MARK4: variants seen among roughly 807,000 people sequenced by gnomAD.
MARK4 encodes MAP/microtubule affinity-regulating kinase 4.
In MARK4, 19 loss-of-function variants were observed where a neutral mutation model predicts 81.5. That is an observed-to-expected ratio of 0.23 (90% CI 0.16 to 0.34). MARK4 has a LOEUF of 0.34. Ranked by LOEUF, MARK4 falls within the 10% of genes least tolerant of loss-of-function variation. The probability of loss-of-function intolerance (pLI) is 1.00; values close to 1 mark genes in which losing one functional copy is unlikely to be tolerated. For synonymous variants in MARK4, 436 were observed against 439.0 expected, an observed-to-expected ratio of 0.99 and a Z score of 0.08; for missense variants, 772 against 1,058.8, an observed-to-expected ratio of 0.73 and a Z score of 3.76.
At position 45,271,469 on chromosome 19, in the gene MARK4, C is replaced by T; in HGVS notation, c.550-3C>T. 2 of 1,613,756 alleles carry T rather than the reference C, an allele frequency of 1.2e-6. No individual in the cohort carries two copies. The highest frequency in any genetic ancestry group is 2.2e-5 in the South Asian group (2 of 91,056). On this transcript the variant is annotated splice_region_variant and splice_polypyrimidine_tract_variant and intron_variant, in intron 7 of 16. Coordinates refer to ENST00000262891, the MANE Select transcript of MARK4 (RefSeq NM_001199867.2). The surrounding 1 kb of genome is among the most constrained non-coding windows in gnomAD (Gnocchi z 4.1). Reference sequence around the variant, plus strand: ...TTTCCGCCCTCTCCTTCTCTCCCTGCAGGCTGAGAACCTCTTGCTGGATGC... The same window carrying T: ...TTTCCGCCCTCTCCTTCTCTCCCTGTAGGCTGAGAACCTCTTGCTGGATGC...
In MARK4 at chr19:45,302,224, C is replaced by T; in HGVS notation, c.1923-150C>T. On this transcript the variant is annotated intron_variant, in intron 16 of 16. Transcript: ENST00000262891. The surrounding 1 kb of genome is among the most constrained non-coding windows in gnomAD (Gnocchi z 4.9). ...GTCTCTAGCTGGGCAGCTCTGTATCCAGTTGAAACTGTCGCTGGGGTAACA... is the reference window on the plus strand; with the variant it reads ...GTCTCTAGCTGGGCAGCTCTGTATCTAGTTGAAACTGTCGCTGGGGTAACA... 6.6e-7 allele frequency: 1 copy of T among 1,515,212 alleles called. No individual in the cohort carries two copies. 93.9% of individuals were successfully genotyped at this position (1,515,212 alleles called of 1,614,324 possible).
At chr19:45,288,989 G>T (rs2123093890) in intron 13 of MARK4, among the ~76,000 whole-genome samples, 1 of 152,148 alleles carries the variant, frequency 6.6e-6, no homozygotes, top group South Asian at 2.1e-4. Flanking sequence ...CTGTGCCCTT[G>T]GCCTTTCGAG....
chr19:45,252,013 G>C (rs1970249322), intron 1 of MARK4, among the ~76,000 whole-genome samples: 1 of 151,698 alleles, frequency 6.6e-6, no homozygotes, highest in African/African-American at 2.4e-5. Context: ...GGATTTGCAG[G>C]GCCCCTGACC....
At chr19:45,275,106 C>T (rs1486111560) in intron 8 of MARK4, among the ~76,000 whole-genome samples, 1 of 152,066 alleles carries the variant, frequency 6.6e-6, no homozygotes, top group African/African-American at 2.4e-5. Context: ...ACTAAAAATA[C>T]AAAAAGTAGC....
At position 45,271,531 on chromosome 19, in the gene MARK4, C is replaced by T. The variant is rs1178879098; in HGVS notation, c.609C>T (p.Ser203=). ...TCAAGATTGCTGACTTTGGCTTCAGCAACGAGTTCACGCTGGGATCGAAGC... is the reference window on the plus strand; with the variant it reads ...TCAAGATTGCTGACTTTGGCTTCAGTAACGAGTTCACGCTGGGATCGAAGC... ...ANIKIADFGF[S]NEFTLGSKLD... The change falls in exon 8 of 17, where the codon AGC becomes AGT. Residue 203 remains serine (S), a synonymous_variant. Transcript: ENST00000262891. The surrounding 1 kb of genome is among the most constrained non-coding windows in gnomAD (Gnocchi z 4.1). 3 of 1,614,236 alleles carry T rather than the reference C, an allele frequency of 1.9e-6. No individual in the cohort carries two copies. Among genetic ancestry groups the T allele is most frequent in the Non-Finnish European group, 1.7e-6 (2 of 1,180,042 alleles).
intron 4 of MARK4, among the ~76,000 whole-genome samples, chr19:45,264,415 C>T (rs1174722801): frequency 6.6e-6 from 1 of 150,908 alleles, no homozygotes; most frequent in East Asian, 2.0e-4. Flanking sequence ...GCAGGAGAAT[C>T]GCTTGAACCT....
chr19:45,301,887 AG>A (rs1321825417), intron 16 of MARK4, among the ~76,000 whole-genome samples: 3,490 of 149,638 alleles, frequency 0.023, 68 homozygotes, highest in Middle Eastern at 0.042. Flanking sequence ...AAAAAAGAAA[AG>A]GAAAAAGAAA....
intron 14 of MARK4, among the ~76,000 whole-genome samples, chr19:45,295,307 C>T (rs1333463635): frequency 6.6e-6 from 1 of 151,698 alleles, no homozygotes; most frequent in African/African-American, 2.4e-5. Context: ...TGCAGTGAGC[C>T]GAGATCACGC....
rs547998753 is a variant in MARK4 at position 45,270,041 on chromosome 19, T to C, written c.550-1431T>C. 5.9e-5 allele frequency among the ~76,000 whole-genome samples: 9 copies of C among 152,222 alleles called. No individual in the cohort carries two copies. In the South Asian group the frequency reaches 1.5e-3, roughly 25 times the overall value. On this transcript the variant is annotated intron_variant, in intron 7 of 16. Coordinates refer to ENST00000262891, the MANE Select transcript of MARK4 (RefSeq NM_001199867.2). ...CAGGGTTTTACCATGTTGCCCAAGC[T>C]AGTCTCGAACTCCTGACCTCAGGAG...
At position 45,297,849 on chromosome 19, in the gene MARK4, C is replaced by A. The variant is rs1970909111; in HGVS notation, c.1772C>A (p.Pro591His). Reference protein sequence around the residue: ...GGGGGGVQNGPPASPTLAHEA... With the variant: ...GGGGGGVQNGHPASPTLAHEA... ...GGTGGTGGGGGTGTGCAGAATGGGCCCCCTGCCTCTCCCACACTGGCCCAT... is the reference window on the plus strand; with the variant it reads ...GGTGGTGGGGGTGTGCAGAATGGGCACCCTGCCTCTCCCACACTGGCCCAT... The change falls in exon 15 of 17, where the codon CCC becomes CAC. Residue 591 changes from proline to histidine, a missense_variant. By Grantham distance (77) the Pro-to-His change is moderately conservative. Coordinates refer to ENST00000262891, the MANE Select transcript of MARK4 (RefSeq NM_001199867.2). The A allele has an allele frequency of 6.5e-7, 1 of 1,548,756 alleles. No homozygotes were observed. Among genetic ancestry groups the A allele is most frequent in the Non-Finnish European group, 8.7e-7 (1 of 1,146,554 alleles).
At chr19:45,257,209 C>T (rs940783688) in intron 1 of MARK4, among the ~76,000 whole-genome samples, 19 of 151,972 alleles carry the variant, frequency 1.3e-4, no homozygotes, top group Non-Finnish European at 2.6e-4. Flanking sequence ...GCGATCCTCC[C>T]GCCTTGTCAA....
In MARK4 at chr19:45,271,720, G is replaced by A; in HGVS notation, c.786+12G>A. The A allele has an allele frequency of 1.2e-6, 2 of 1,612,574 alleles. No homozygotes were observed. Among genetic ancestry groups the A allele is most frequent in the Non-Finnish European group, 1.7e-6 (2 of 1,179,052 alleles). On this transcript the variant is annotated intron_variant, in intron 8 of 16. Transcript: ENST00000262891. This position sits in a 1 kb window ranked among gnomAD's most constrained non-coding sequence, Gnocchi z 4.1. Reference sequence around the variant, plus strand: ...GGCACAACCTCAAGGTACCGAGAGGGGCTGGGTGCAGGGGCATCAGCCCCT... The same window carrying A: ...GGCACAACCTCAAGGTACCGAGAGGAGCTGGGTGCAGGGGCATCAGCCCCT...
At chr19:45,274,946 C>T (rs1354433732) in intron 8 of MARK4, among the ~76,000 whole-genome samples, 1 of 152,094 alleles carries the variant, frequency 6.6e-6, no homozygotes, top group Admixed American at 6.6e-5. Context: ...CTCAGTTTCC[C>T]CACCTGTAAG....
intron 12 of MARK4, among the ~76,000 whole-genome samples, chr19:45,284,246 G>A (rs1001079425): frequency 1.3e-5 from 2 of 151,954 alleles, no homozygotes; most frequent in Non-Finnish European, 2.9e-5. Flanking sequence ...GACCTGAGGT[G>A]ATCCACCCGC....
rs111464393 is a variant in MARK4 at position 45,285,790 on chromosome 19, C to T, written c.1277-1657C>T. 1.9e-3 allele frequency among the ~76,000 whole-genome samples: 287 copies of T among 152,276 alleles called. 1 individual carries two copies. The highest frequency in any genetic ancestry group is 6.8e-3 in the African/African-American group (281 of 41,554). On this transcript the variant is annotated intron_variant, in intron 12 of 16. Coordinates refer to ENST00000262891, the MANE Select transcript of MARK4 (RefSeq NM_001199867.2). The stretch of plus-strand genomic sequence containing the variant: ...AGCTTGTGGTTCTGGGACTTCTGAG[C>T]ATGTATCGCTCCTGAGGATGTAACA...
In MARK4 at chr19:45,278,062, C is replaced by A. The variant is rs754136141; in HGVS notation, c.906+20C>A. The A allele has an allele frequency of 1.1e-5, 18 of 1,611,988 alleles. No homozygotes were observed. The Admixed American group carries it at 1.7e-4, about 15-fold the overall frequency. ...CTCGAGGTGAGCCCAGCCTCACAGC[C>A]AGCGGGAGCCCTTCTAGTCTCCTGA... On this transcript the variant is annotated intron_variant, in intron 9 of 16. Transcript: ENST00000262891.
At chr19:45,285,740 C>CTGTCAT (rs1195931697) in intron 12 of MARK4, among the ~76,000 whole-genome samples, 2 of 151,888 alleles carry the variant, frequency 1.3e-5, no homozygotes, top group Admixed American at 1.3e-4. Context: ...TGCCAGGTAT[C>CTGTCAT]TGTCATTGTC....
intron 4 of MARK4, among the ~76,000 whole-genome samples, chr19:45,263,752 AAAAAAG>A (rs1970411775): frequency 6.6e-6 from 1 of 151,682 alleles, no homozygotes; most frequent in Non-Finnish European, 1.5e-5. Context: ...AAAAAAAAAA[AAAAAAG>A]AAAAAGTTAG....
At chr19:45,291,072 C>G (rs1183591162) in intron 13 of MARK4, among the ~76,000 whole-genome samples, 2 of 152,204 alleles carry the variant, frequency 1.3e-5, no homozygotes, top group Non-Finnish European at 2.9e-5. Context: ...ATTCATGCCC[C>G]TTGGCTCTTC....
Sources: gnomAD v4.1 joint callset for allele counts (sites outside exome capture counted in the v4.1 genomes callset) on GRCh38, gnomAD v4.1.1 for gene constraint, Gnocchi (gnomAD v3.1) non-coding constraint, MANE v1.5 for transcripts, NCBI Gene and HGNC (gene_info 2026-07-23, HGNC 2026-07-21) for gene names.